The following LRBA variants were observed in gnomAD, a reference collection of about 807,000 sequenced individuals.
LRBA encodes the protein lipopolysaccharide-responsive and beige-like anchor protein.
Under a neutral mutation model 330.0 loss-of-function variants are expected in LRBA, and 176 were observed. The observed-to-expected ratio is 0.53, with a 90% CI of 0.47 to 0.60. The LOEUF is 0.60. Ranked by LOEUF, LRBA falls within the 20% of genes least tolerant of loss-of-function variation. The pLI is 0.00. For synonymous variants in LRBA, 1,230 were observed against 1,193.0 expected (o/e 1.03, Z -0.64); for missense variants, 3,259 against 3,444.8 (o/e 0.95, Z 1.35).
At chr4:150,993,171 T>C (rs547239333) in intron 2 of LRBA, among the ~76,000 whole-genome samples, 3 of 152,174 alleles carry the variant, frequency 2.0e-5, no homozygotes, top group South Asian at 2.1e-4. Flanking sequence ...AAAGAAAACA[T>C]TGGGCAGTTT....
chr4:150,291,226 T>C (rs1194573891), intron 53 of LRBA, among the ~76,000 whole-genome samples: 1 of 145,980 alleles, frequency 6.9e-6, no homozygotes, highest in African/African-American at 2.5e-5. Flanking sequence ...ACAAATGGGA[T>C]CTAATTAAAC....
At chr4:150,399,351 T>G (rs919226610) in intron 47 of LRBA, among the ~76,000 whole-genome samples, 15 of 152,168 alleles carry the variant, frequency 9.9e-5, no homozygotes, top group African/African-American at 3.4e-4. Flanking sequence ...TGGGCAAAGT[T>G]GGTTCTCAAG....
chr4:150,445,377 C>CTA (rs10552819), intron 44 of LRBA, among the ~76,000 whole-genome samples: 78 of 78,622 alleles, frequency 9.9e-4, no homozygotes, highest in African/African-American at 2.4e-3. Context: ...CTCTCTCTCT[C>CTA]TATATATATA....
chr4:150,667,241 G>A (rs1213915092), intron 37 of LRBA, among the ~76,000 whole-genome samples: 1 of 152,168 alleles, frequency 6.6e-6, no homozygotes, highest in African/African-American at 2.4e-5. Flanking sequence ...GGACTTTGTG[G>A]ATGTGATTAC....
intron 37 of LRBA, among the ~76,000 whole-genome samples, chr4:150,618,895 T>C (rs1776039110): frequency 6.6e-6 from 1 of 151,168 alleles, no homozygotes; most frequent in Non-Finnish European, 1.5e-5. Context: ...CACATATATA[T>C]ATCCTAATTC....
intron 36 of LRBA, among the ~76,000 whole-genome samples, chr4:150,712,569 T>C (rs113209729): frequency 2.4e-4 from 37 of 152,334 alleles, no homozygotes; most frequent in African/African-American, 8.9e-4. Flanking sequence ...TTTCATGTCA[T>C]GTTCTCTCCT....
chr4:150,269,558 C>G (rs1745800096), intron 56 of LRBA, among the ~76,000 whole-genome samples: 1 of 152,096 alleles, frequency 6.6e-6, no homozygotes, highest in Admixed American at 6.5e-5. Flanking sequence ...CCTTCATGAC[C>G]TTGGATTTTG....
At chr4:150,942,246 T>C (rs1735750359) in intron 2 of LRBA, among the ~76,000 whole-genome samples, 3 of 152,190 alleles carry the variant, frequency 2.0e-5, no homozygotes, top group Admixed American at 1.3e-4. Context: ...CACTCTGGTT[T>C]TCCCCTGTCC....
intron 40 of LRBA, among the ~76,000 whole-genome samples, chr4:150,562,258 G>C (rs1768455367): frequency 1.3e-5 from 2 of 152,272 alleles, no homozygotes; most frequent in African/African-American, 4.8e-5. Flanking sequence ...TTGTTGCTGA[G>C]TATTCACCGG....
intron 30 of LRBA, among the ~76,000 whole-genome samples, chr4:150,822,584 G>A (rs1348341407): frequency 2.0e-5 from 3 of 152,006 alleles, no homozygotes; most frequent in African/African-American, 4.8e-5. Flanking sequence ...CTGGGCAACA[G>A]AGCAACACCT....
chr4:150,660,580 CATT>C (rs1249612848), intron 37 of LRBA, among the ~76,000 whole-genome samples: 1 of 148,090 alleles, frequency 6.8e-6, no homozygotes, highest in Non-Finnish European at 1.5e-5. Flanking sequence ...CCCAACAGCT[CATT>C]GAGAACGGGC....
chr4:150,671,260 CAGCTAACAGTTATTA>C (rs1782040623), intron 37 of LRBA, among the ~76,000 whole-genome samples: 3 of 152,102 alleles, frequency 2.0e-5, no homozygotes, highest in African/African-American at 7.2e-5. Context: ...TACAAATCAA[CAGCTAACAGTTATTA>C]AGCATTTACA....
intron 40 of LRBA, among the ~76,000 whole-genome samples, chr4:150,513,226 G>A (rs1762010708): frequency 6.6e-6 from 1 of 152,184 alleles, no homozygotes; most frequent in African/African-American, 2.4e-5. Context: ...AGATCTTAGA[G>A]GAAAGTAGTA....
chr4:150,806,692 T>C (rs1481145445), intron 32 of LRBA, among the ~76,000 whole-genome samples: 2 of 152,056 alleles, frequency 1.3e-5, no homozygotes, highest in African/African-American at 2.4e-5. Flanking sequence ...AGTTTGTTTT[T>C]AGGCCCATTA....
chr4:150,828,894 T>C (rs1435038979), intron 29 of LRBA, among the ~76,000 whole-genome samples: 2 of 151,274 alleles, frequency 1.3e-5, no homozygotes, highest in Non-Finnish European at 2.9e-5. Flanking sequence ...CATTGGCCTG[T>C]AAGAAAAAGT....
chr4:150,956,850 A>G (rs1409989388), intron 2 of LRBA, among the ~76,000 whole-genome samples: 1 of 149,312 alleles, frequency 6.7e-6, no homozygotes, highest in East Asian at 1.9e-4. Flanking sequence ...CTAAGAATAG[A>G]AAGAAACTTC....
chr4:150,785,868 ACAAGTAACACG>A (rs1738982963), intron 34 of LRBA, among the ~76,000 whole-genome samples: 1 of 152,252 alleles, frequency 6.6e-6, no homozygotes, highest in Non-Finnish European at 1.5e-5. Context: ...GAGTAGTAAT[ACAAGTAACACG>A]ACATCAGTGT....
chr4:150,489,135 A>ATAATATATAATATATAAGAC (rs1218795878), intron 41 of LRBA, among the ~76,000 whole-genome samples: 1 of 67,602 alleles, frequency 1.5e-5, no homozygotes, highest in Non-Finnish European at 2.6e-5. Flanking sequence ...ATAAGAATAT[A>ATAATATATAATATATAAGAC]TAATATATAA....
At position 150,380,003 on chromosome 4, in the gene LRBA, TAAAAAAA is replaced by T. The variant is rs371691815; in HGVS notation, c.7195-29851_7195-29845del. 2.3e-3 allele frequency among the ~76,000 whole-genome samples: 260 copies of T among 115,218 alleles called. 2 individuals are homozygous for T. The highest frequency in any genetic ancestry group is 6.3e-3 in the African/African-American group (183 of 28,954). The allele number at this position is 115,218 out of a possible 152,430, so 75.6% of individuals were successfully genotyped here. A position where few individuals can be genotyped will look rare whatever the true frequency, so the allele number is the denominator to read the frequency against. ...CATGGAGAAACCCCATTTCTACTAC[TAAAAAAA>T]AAAAAAAAAAAAAAAAAAATTAGCC... On this transcript the variant is annotated intron_variant, in intron 47 of 56. Transcript: ENST00000651943.
Sources: gnomAD v4.1 joint callset for allele counts (sites outside exome capture counted in the v4.1 genomes callset) on GRCh38, gnomAD v4.1.1 for gene constraint, MANE v1.5 for transcripts, NCBI Gene and HGNC (gene_info 2026-07-23, HGNC 2026-07-21) for gene names.